The following RAPGEF1 variants were observed in gnomAD, a reference collection of about 807,000 sequenced individuals.
RAPGEF1 encodes CRK SH3-binding GNRP.
A neutral mutation model predicts 143.3 loss-of-function variants in RAPGEF1; 33 were observed. That is an observed-to-expected ratio of 0.23 (90% confidence interval 0.17 to 0.31). The LOEUF is 0.31. RAPGEF1 is among the 10% of genes least tolerant of loss of function. The pLI is 1.00. For missense variants in RAPGEF1, 1,199 were observed against 1,645.4 expected (o/e 0.73, Z 4.69); for synonymous variants, 629 against 676.5 (o/e 0.93, Z 1.09).
chr9:131,579,529 T>A lies in RAPGEF1; in HGVS notation c.3760A>T (p.Arg1254Trp). The A allele has an allele frequency of 6.2e-7, 1 of 1,614,038 alleles. No homozygotes were observed. Among genetic ancestry groups the A allele is most frequent in the Non-Finnish European group, 8.5e-7 (1 of 1,179,880 alleles). ...SLKIKPRNIT[R>W]RKTDREEKT ...TTCTCTTCCCGGTCTGTTTTTCTCC[T>A]TGTTATGTTCCTGGGTTTAATTTTC... The change falls in exon 27 of 27, where the codon AGG becomes TGG. Residue 1254 changes from arginine to tryptophan, a missense_variant. Arg to Trp is a moderately radical substitution (Grantham distance 101). Transcript: ENST00000683357.
intron 11 of RAPGEF1, among the ~76,000 whole-genome samples, chr9:131,620,441 G>A (rs555198239): frequency 1.6e-4 from 24 of 152,242 alleles, no homozygotes; most frequent in African/African-American, 5.3e-4. Context: ...TTTAGGCAAG[G>A]GGTCTCTAAA....
intron 5 of RAPGEF1, among the ~76,000 whole-genome samples, chr9:131,636,673 T>C (rs1274162457): frequency 6.6e-6 from 1 of 152,148 alleles, no homozygotes; most frequent in Non-Finnish European, 1.5e-5. Context: ...TTTTCAATAA[T>C]AGCATTTTCA....
chr9:131,737,657 A>T, intron 1 of RAPGEF1: 1 of 1,323,586 alleles, frequency 7.6e-7, no homozygotes, highest in Non-Finnish European at 9.9e-7. Context: ...GATGACAGGC[A>T]ACTTTTTCCT....
At chr9:131,685,121 G>A (rs1833231802) in intron 1 of RAPGEF1, among the ~76,000 whole-genome samples, 1 of 152,180 alleles carries the variant, frequency 6.6e-6, no homozygotes, top group Non-Finnish European at 1.5e-5. Context: ...TATTTATCTA[G>A]TAACCCATTA....
At position 131,638,761 on chromosome 9, in the gene RAPGEF1, C is replaced by T. The variant is rs991625491; in HGVS notation, c.525G>A (p.Val175=). The T allele has an allele frequency of 5.6e-6, 9 of 1,613,798 alleles. No individual in the cohort carries two copies. In the Admixed American group the frequency reaches 1.2e-4, roughly 21 times the overall value. Residue 175 remains valine (V), a synonymous_variant, in exon 5 of 27, where the codon GTG becomes GTA. Transcript: ENST00000683357. ...SSALSSCYSR[V]YQSLANLIRW... ...GAATGAGGTTGGCGAGGCTTTGGTACACTCGGCTATAGCAGGAAGAGAGGG... is the reference window on the plus strand; with the variant it reads ...GAATGAGGTTGGCGAGGCTTTGGTATACTCGGCTATAGCAGGAAGAGAGGG...
At chr9:131,677,701 C>T (rs768095170) in intron 1 of RAPGEF1, among the ~76,000 whole-genome samples, 21 of 152,224 alleles carry the variant, frequency 1.4e-4, no homozygotes, top group Non-Finnish European at 2.2e-4. Flanking sequence ...TCCTCCCTTA[C>T]GCTTAAGGGT....
intron 18 of RAPGEF1, among the ~76,000 whole-genome samples, chr9:131,591,159 C>T (rs1000300168): frequency 3.9e-5 from 6 of 152,216 alleles, no homozygotes; most frequent in African/African-American, 1.4e-4. Context: ...CCCGAGGCTC[C>T]GCCAATGGAG....
rs1419444345 is a variant in RAPGEF1 at position 131,655,243 on chromosome 9, C to T, written c.62-4294G>A. On this transcript the variant is annotated intron_variant, in intron 1 of 26. Coordinates refer to ENST00000683357, the MANE Select transcript of RAPGEF1 (RefSeq NM_001377935.1). The surrounding 1 kb of genome is among the most constrained non-coding windows in gnomAD (Gnocchi z 4.1). Reference sequence around the variant, plus strand: ...AAGAGAAAAGCCAGGGCCTGACCCGCATTCACATGTGGTCAAACCAAACAG... The same window carrying T: ...AAGAGAAAAGCCAGGGCCTGACCCGTATTCACATGTGGTCAAACCAAACAG... 6.6e-6 allele frequency among the ~76,000 whole-genome samples: 1 copy of T among 152,232 alleles called. No individual in the cohort carries two copies. The highest frequency in any genetic ancestry group is 6.5e-5 in the Admixed American group (1 of 15,286).
chr9:131,649,337 G>C (rs965253882), intron 3 of RAPGEF1, among the ~76,000 whole-genome samples: 6 of 150,662 alleles, frequency 4.0e-5, no homozygotes, highest in African/African-American at 1.2e-4. Context: ...TTATAGGCGT[G>C]AACCACTGTG....
At chr9:131,602,791 C>T (rs1023570048) in intron 14 of RAPGEF1, among the ~76,000 whole-genome samples, 1 of 152,066 alleles carries the variant, frequency 6.6e-6, no homozygotes, top group Admixed American at 6.5e-5. Flanking sequence ...GACTTGCTTC[C>T]TCCTGGGTCC....
intron 17 of RAPGEF1, among the ~76,000 whole-genome samples, chr9:131,594,977 G>A (rs924232250): frequency 6.6e-6 from 1 of 152,252 alleles, no homozygotes; most frequent in Non-Finnish European, 1.5e-5. Context: ...GTCAGGCAGG[G>A]AGGGGGATTC....
Position 131,650,155 on chromosome 9 carries a change from C to T in RAPGEF1, c.289G>A (p.Val97Met). ...QAVEFMSTSA[V>M]ASRSQRQKNL... is the part of the protein sequence containing the mutation. ...TTCTGCCTTTGAGACCTGGAAGCCACAGCACTGGTGGACATAAATTCTACT... is the reference window on the plus strand; with the variant it reads ...TTCTGCCTTTGAGACCTGGAAGCCATAGCACTGGTGGACATAAATTCTACT... The change falls in exon 3 of 27, where the codon GTG becomes ATG. Residue 97 changes from valine (V) to methionine (M), a missense_variant. Val to Met is a conservative substitution (Grantham distance 21). This residue lies in a region of RAPGEF1 where 613 missense variants were observed against 710.9 expected (regional missense o/e 0.86). Transcript: ENST00000683357. The surrounding 1 kb of genome is among the most constrained non-coding windows in gnomAD (Gnocchi z 4.7). 1 of 1,613,772 alleles carries T rather than the reference C, an allele frequency of 6.2e-7. No individual in the cohort carries two copies. Among genetic ancestry groups the T allele is most frequent in the Non-Finnish European group, 8.5e-7 (1 of 1,179,722 alleles).
At chr9:131,590,218 G>A (rs774672193) in intron 18 of RAPGEF1, among the ~76,000 whole-genome samples, 1 of 152,044 alleles carries the variant, frequency 6.6e-6, no homozygotes, top group African/African-American at 2.4e-5. Flanking sequence ...TCCCTGCCAC[G>A]CCATCTCCGC....
In RAPGEF1 at chr9:131,589,873, G is replaced by GT. The variant is rs1953901026; in HGVS notation, c.2867+12dup. On this transcript the variant is annotated intron_variant, in intron 19 of 26. Coordinates refer to ENST00000683357, the MANE Select transcript of RAPGEF1 (RefSeq NM_001377935.1). The stretch of plus-strand genomic sequence containing the variant: ...CCCACTGGCCCCCAGGACCCCAAGG[G>GT]TGAAGCACTCACCAGAGCTCATCCA... 1.2e-6 allele frequency: 2 copies of GT among 1,611,490 alleles called. No individual in the cohort carries two copies. The highest frequency in any genetic ancestry group is 2.7e-5 in the African/African-American group (2 of 74,848).
At chr9:131,616,136 A>G (rs1263745349) in intron 12 of RAPGEF1, among the ~76,000 whole-genome samples, 1 of 151,922 alleles carries the variant, frequency 6.6e-6, no homozygotes, top group Non-Finnish European at 1.5e-5. Context: ...GGCGTTGTGG[A>G]GGGCGGCTGT....
At chr9:131,699,649 C>T (rs577144822) in intron 1 of RAPGEF1, among the ~76,000 whole-genome samples, 85 of 152,210 alleles carry the variant, frequency 5.6e-4, no homozygotes, top group Non-Finnish European at 9.3e-4. Flanking sequence ...CATGTGTCAC[C>T]GAAGCCCCCT....
At chr9:131,712,862 T>G (rs1004065803) in intron 1 of RAPGEF1, among the ~76,000 whole-genome samples, 13 of 151,974 alleles carry the variant, frequency 8.6e-5, no homozygotes, top group Non-Finnish European at 1.2e-4. Flanking sequence ...TGTTCAGGGG[T>G]AGGGGGAGGG....
At chr9:131,672,178 C>A (rs1019126798) in intron 1 of RAPGEF1, among the ~76,000 whole-genome samples, 10 of 152,324 alleles carry the variant, frequency 6.6e-5, no homozygotes, top group Middle Eastern at 3.4e-3. Context: ...CACAGGTGGG[C>A]ATTTCAGAGA....
chr9:131,619,175 A>G lies in RAPGEF1; in HGVS notation c.1937T>C (p.Val646Ala), dbSNP rs759991216. The change falls in exon 12 of 27, where the codon GTC becomes GCC. Residue 646 changes from valine (V) to alanine (A), a missense_variant. Transcript: ENST00000683357. Reference protein sequence around the residue: ...ASCAASSFSSVSHCVQQTKVA... With the variant: ...ASCAASSFSSASHCVQQTKVA... Reference sequence around the variant, plus strand: ...TTTAGTTTGCTGGACACAGTGGGAGACAGAGGAGAAGGAAGAAGCAGCACA... The same window carrying G: ...TTTAGTTTGCTGGACACAGTGGGAGGCAGAGGAGAAGGAAGAAGCAGCACA... 1.7e-5 allele frequency: 22 copies of G among 1,307,642 alleles called. 1 individual carries two copies. The South Asian group carries it at 2.6e-4, about 15-fold the overall frequency. 81.0% of individuals were successfully genotyped at this position (1,307,642 alleles called of 1,614,324 possible).
Sources: allele counts gnomAD v4.1 joint callset (sites outside exome capture counted in the v4.1 genomes callset), GRCh38; gene constraint gnomAD v4.1.1; regional missense constraint gnomAD v4.1.1; non-coding constraint Gnocchi (gnomAD v3.1); transcripts MANE v1.5; gene names NCBI Gene and HGNC (gene_info 2026-07-23, HGNC 2026-07-21).